The following NOX4 variants were observed in gnomAD, a reference collection of about 807,000 sequenced individuals.
The protein encoded by NOX4 is kidney oxidase-1.
In NOX4, 69 loss-of-function variants were observed where a neutral mutation model predicts 87.6. The observed-to-expected ratio is 0.79, with a 90% CI of 0.65 to 0.96. The LOEUF (loss-of-function observed/expected upper bound fraction) is 0.96, where lower values mean the gene tolerates loss of function less well. NOX4 is among the 40% of genes least tolerant of loss of function. NOX4 has a pLI of 0.00. For missense variants in NOX4, 680 were observed against 681.5 expected, an observed-to-expected ratio of 1.00 and a Z score of 0.02; for synonymous variants, 275 against 238.2, an observed-to-expected ratio of 1.15 and a Z score of -1.42.
the NOX4 span, among the ~76,000 whole-genome samples, chr11:89,536,797 T>G: frequency 1.5e-4 from 23 of 152,166 alleles, no homozygotes; most frequent in Non-Finnish European, 2.8e-4. Context: ...ATTCCCACTT[T>G]TTACTCAAGA....
At position 89,491,051 on chromosome 11, in the gene NOX4, A is replaced by G; in HGVS notation, c.57+139T>C. ...GGGAGTGTTCATTGTTATCTCCAGC[A>G]TAAAGTTTTGTAAGTTGAGAATGTT... On this transcript the variant is annotated intron_variant, in intron 1 of 17. Coordinates refer to ENST00000263317, the MANE Select transcript of NOX4 (RefSeq NM_016931.5). 3.5e-6 allele frequency: 3 copies of G among 851,688 alleles called. 1 individual carries two copies. The highest frequency in any genetic ancestry group is 4.4e-4 in the Middle Eastern group (2 of 4,558). 52.8% of individuals were successfully genotyped at this position (851,688 alleles called of 1,614,324 possible).
intron 4 of NOX4, among the ~76,000 whole-genome samples, chr11:89,444,466 A>AACAC (rs59319897): frequency 6.1e-5 from 9 of 147,134 alleles, no homozygotes; most frequent in African/African-American, 1.5e-4. Context: ...GGATAAGAGA[A>AACAC]ACACACACAC....
At chr11:89,418,584 C>T (rs529797597) in intron 8 of NOX4, among the ~76,000 whole-genome samples, 1 of 151,560 alleles carries the variant, frequency 6.6e-6, no homozygotes, top group Non-Finnish European at 1.5e-5. Context: ...TCTGAAATAT[C>T]ACAACGTGAG....
chr11:89,581,073 T>C, the NOX4 span, among the ~76,000 whole-genome samples: 2 of 152,224 alleles, frequency 1.3e-5, no homozygotes, highest in Non-Finnish European at 2.9e-5. Context: ...GTCTGAGGGT[T>C]GACAGGTAAG....
At position 89,475,742 on chromosome 11, in the gene NOX4, T is replaced by A. The variant is rs1340867439; in HGVS notation, c.153+14716A>T. Among the ~76,000 whole-genome samples, 3 of 152,096 alleles carry A rather than the reference T, an allele frequency of 2.0e-5. No individual in the cohort carries two copies. The East Asian group carries it at 5.8e-4, about 29-fold the overall frequency. Reference sequence around the variant, plus strand: ...AATAATTGATATTATACTATAGCAATCTAAGAAATAAGAGGGGTTCCAAGT... The same window carrying A: ...AATAATTGATATTATACTATAGCAAACTAAGAAATAAGAGGGGTTCCAAGT... On this transcript the variant is annotated intron_variant, in intron 2 of 17. Transcript: ENST00000263317.
At chr11:89,517,936 T>C in the NOX4 span, among the ~76,000 whole-genome samples, 1 of 152,120 alleles carries the variant, frequency 6.6e-6, no homozygotes, top group Non-Finnish European at 1.5e-5. Context: ...TAAAATTCTA[T>C]ATTAACTAGA....
At chr11:89,565,494 C>T in the NOX4 span, among the ~76,000 whole-genome samples, 1 of 151,906 alleles carries the variant, frequency 6.6e-6, no homozygotes, top group Non-Finnish European at 1.5e-5. Context: ...TCTTGCCTTC[C>T]TGTTTTGACA....
At chr11:89,341,914 T>G (rs1946020219) in intron 14 of NOX4, among the ~76,000 whole-genome samples, 160 bp downstream of exon 14, 1 of 152,192 alleles carries the variant, frequency 6.6e-6, no homozygotes, top group African/African-American at 2.4e-5. Flanking sequence ...GACCACATGT[T>G]GAGAATCACT....
intron 12 of NOX4, among the ~76,000 whole-genome samples, chr11:89,367,734 T>C (rs892656563): frequency 6.6e-6 from 1 of 152,048 alleles, no homozygotes; most frequent in African/African-American, 2.4e-5. Context: ...TCAGTTCCTG[T>C]TTAAAACTCC....
At chr11:89,572,367 A>G in the NOX4 span, among the ~76,000 whole-genome samples, 2 of 152,172 alleles carry the variant, frequency 1.3e-5, no homozygotes, top group Non-Finnish European at 2.9e-5. Context: ...CGTTTTTGCT[A>G]TCGACCTCTA....
intron 4 of NOX4, among the ~76,000 whole-genome samples, chr11:89,448,377 T>C (rs1285609575): frequency 6.6e-6 from 1 of 152,142 alleles, no homozygotes; most frequent in African/African-American, 2.4e-5. Context: ...TTGAAAAGTA[T>C]CATCTAAAAG....
intron 2 of NOX4, chr11:89,489,095 T>C (rs1332985706): frequency 8.9e-6 from 6 of 671,546 alleles, no homozygotes; most frequent in Admixed American, 4.6e-5. Context: ...CTTTATAAAG[T>C]GTGTGATCAA....
the NOX4 span, among the ~76,000 whole-genome samples, chr11:89,560,996 C>CTCTATATATATATA: frequency 7.4e-5 from 3 of 40,802 alleles, no homozygotes; most frequent in African/African-American, 2.6e-4. Flanking sequence ...CTCTCTCTCT[C>CTCTATATATATATA]TATATATATA....
chr11:89,409,063 G>A (rs1377111449), intron 8 of NOX4, among the ~76,000 whole-genome samples: 1 of 151,714 alleles, frequency 6.6e-6, no homozygotes, highest in Non-Finnish European at 1.5e-5. Context: ...TACTTCACGG[G>A]TATAAAAAGG....
At chr11:89,566,043 CTT>C in the NOX4 span, among the ~76,000 whole-genome samples, 1,161 of 122,858 alleles carry the variant, frequency 9.4e-3, 5 homozygotes, top group African/African-American at 0.033. Context: ...TTCTTTTTTT[CTT>C]TTTTTTTTTT....
the NOX4 span, among the ~76,000 whole-genome samples, chr11:89,534,714 C>T: frequency 3.3e-5 from 5 of 152,158 alleles, no homozygotes; most frequent in Non-Finnish European, 5.9e-5. Context: ...ATCAGATGTC[C>T]TTACCCAGTA....
chr11:89,515,219 A>C, the NOX4 span, among the ~76,000 whole-genome samples: 2 of 151,990 alleles, frequency 1.3e-5, no homozygotes, highest in East Asian at 3.9e-4. Flanking sequence ...TACCCTTTAA[A>C]ATCTTCACCA....
chr11:89,395,324 T>G (rs1201704227), intron 11 of NOX4, among the ~76,000 whole-genome samples: 1 of 152,238 alleles, frequency 6.6e-6, no homozygotes, highest in Non-Finnish European at 1.5e-5. Context: ...TCTGTTCATA[T>G]TCTTTGCCCA....
At chr11:89,375,599 C>T (rs2135070109) in intron 11 of NOX4, among the ~76,000 whole-genome samples, 1 of 152,280 alleles carries the variant, frequency 6.6e-6, no homozygotes, top group Non-Finnish European at 1.5e-5. Flanking sequence ...TGAGCTACCA[C>T]ACCCAGCCCA....
Sources: allele counts gnomAD v4.1 joint callset (sites outside exome capture counted in the v4.1 genomes callset), GRCh38; gene constraint gnomAD v4.1.1; transcripts MANE v1.5; gene names NCBI Gene and HGNC (gene_info 2026-07-23, HGNC 2026-07-21).